The following TRIM55 variants were observed in gnomAD, a reference collection of about 807,000 sequenced individuals.
The protein encoded by TRIM55 is tripartite motif containing 55.
TRIM55 carries 50 observed loss-of-function variants against 60.9 expected under a neutral mutation model. The ratio of observed to expected loss-of-function variants is 0.82; its 90% CI spans 0.65 to 1.04. The LOEUF is 1.04. Among genes scored for constraint, TRIM55 ranks in the 50% least tolerant of loss-of-function variants. TRIM55 has a pLI of 0.00. For missense variants in TRIM55, 681 were observed against 666.9 expected (o/e 1.02, Z -0.23); for synonymous variants, 237 against 238.1 (o/e 1.00, Z 0.04).
chr8:66,123,890 T>C (rs370631640), upstream of TRIM55, among the ~76,000 whole-genome samples: 16 of 152,114 alleles, frequency 1.1e-4, no homozygotes, highest in African/African-American at 3.9e-4. Context: ...AGGTTTTTGT[T>C]TTTTTCTACA....
At chr8:66,174,417 A>G (rs1811808418) in intron 9 of TRIM55, 54 bp from the exon 10 acceptor site, 21 of 1,582,236 alleles carry the variant, frequency 1.3e-5, no homozygotes, top group Non-Finnish European at 1.8e-5. Flanking sequence ...GACTGGACCA[A>G]TCCAAAAAGA....
intron 9 of TRIM55, 80 bp downstream of exon 9, chr8:66,154,414 AG>A (rs1810627120): frequency 1.4e-6 from 2 of 1,475,620 alleles, no homozygotes; most frequent in South Asian, 1.3e-5. Context: ...AAGAAGAAAA[AG>A]GGTTTTCAAA....
intron 2 of TRIM55, among the ~76,000 whole-genome samples, chr8:66,131,382 T>C (rs1186536850): frequency 6.6e-6 from 1 of 152,228 alleles, no homozygotes; most frequent in African/African-American, 2.4e-5. Flanking sequence ...TTAGCTGTTT[T>C]TCTGCTATTT....
intron 9 of TRIM55, chr8:66,155,690 G>GC: frequency 1.9e-6 from 3 of 1,611,710 alleles, no homozygotes; most frequent in Non-Finnish European, 2.5e-6. Context: ...CAGATTCAGT[G>GC]CTTGATTTTT....
intron 7 of TRIM55, 145 bp from the exon 8 acceptor site, chr8:66,152,232 C>A (rs1016399167): frequency 8.0e-6 from 9 of 1,124,030 alleles, no homozygotes; most frequent in Non-Finnish European, 1.1e-5. Flanking sequence ...AGCCCTGGCA[C>A]GGCACACTTG....
chr8:66,150,593 A>G (rs1357836224), intron 7 of TRIM55, 127 bp downstream of exon 7: 4 of 1,077,194 alleles, frequency 3.7e-6, no homozygotes, highest in Admixed American at 2.3e-5. Context: ...TACAAGGATC[A>G]TATCCAATGT....
intron 9 of TRIM55, among the ~76,000 whole-genome samples, chr8:66,171,243 C>T (rs1280065637): frequency 6.9e-6 from 1 of 144,436 alleles, no homozygotes; most frequent in African/African-American, 2.5e-5. Context: ...CTCCCACCCT[C>T]CACCCTCCAC....
Position 66,127,395 on chromosome 8 carries a change from C to T in TRIM55, c.127C>T (p.Gln43Ter), listed in dbSNP as rs1292586364. The stretch of plus-strand genomic sequence containing the variant: ...GAAACCTGTGGTGATTCTCCCTTGT[C>T]AGCACAACCTGTGTAGGAAATGTGC... ...FTKPVVILPC[Q>*]HNLCRKCASD... The change falls in exon 1 of 10, where the codon CAG becomes TAG. Residue 43 changes from glutamine (Q) to a stop codon, truncating the protein, a stop_gained. Transcript: ENST00000315962. LOFTEE classifies it high-confidence loss of function. 5.0e-6 allele frequency: 8 copies of T among 1,614,106 alleles called. No individual in the cohort carries two copies. Among genetic ancestry groups the T allele is most frequent in the East Asian group, 4.5e-5 (2 of 44,882 alleles).
chr8:66,137,543 G>A (rs1232476720), intron 4 of TRIM55, among the ~76,000 whole-genome samples: 1 of 152,186 alleles, frequency 6.6e-6, no homozygotes, highest in Non-Finnish European at 1.5e-5. Flanking sequence ...CTTAGGAAAT[G>A]CTCATCGGTG....
intron 2 of TRIM55, among the ~76,000 whole-genome samples, chr8:66,133,423 C>T (rs545729266): frequency 6.6e-6 from 1 of 151,482 alleles, no homozygotes; most frequent in East Asian, 1.9e-4. Context: ...CTCATCATGG[C>T]CCCTGCCCTT....
intron 2 of TRIM55, among the ~76,000 whole-genome samples, chr8:66,130,455 A>C (rs1352284855): frequency 3.3e-5 from 5 of 151,960 alleles, no homozygotes; most frequent in Non-Finnish European, 7.4e-5. Flanking sequence ...GGGGGCAGAC[A>C]GCCTTACTAG....
Position 66,128,370 on chromosome 8 carries a change from C to G in TRIM55, c.235C>G (p.Pro79Ala), listed in dbSNP as rs769797275. The G allele has an allele frequency of 2.5e-6, 4 of 1,613,614 alleles. No homozygotes were observed. The East Asian group carries it at 6.7e-5, about 27-fold the overall frequency. The change falls in exon 2 of 10, where the codon CCA becomes GCA. Residue 79 changes from proline to alanine, a missense_variant. By Grantham distance (27) the Pro-to-Ala change is conservative. Coordinates refer to ENST00000315962, the MANE Select transcript of TRIM55 (RefSeq NM_184085.2). The stretch of plus-strand genomic sequence containing the variant: ...GGCATCAGGGGGCCGATTCCGCTGC[C>G]CATCCTGTAGACATGAAGTGGTTTT... ...TMASGGRFRC[P>A]SCRHEVVLDR...
At chr8:66,173,209 TCTA>T (rs1811740693) in intron 9 of TRIM55, among the ~76,000 whole-genome samples, 1 of 152,226 alleles carries the variant, frequency 6.6e-6, no homozygotes, top group African/African-American at 2.4e-5. Flanking sequence ...TCAGTTTTAT[TCTA>T]CTGTGGCTAA....
intron 9 of TRIM55, among the ~76,000 whole-genome samples, chr8:66,164,514 C>A (rs1811215527): frequency 6.6e-6 from 1 of 152,242 alleles, no homozygotes; most frequent in Non-Finnish European, 1.5e-5. Flanking sequence ...TGACTTCCAG[C>A]ACTGGCTTGT....
At chr8:66,114,112 A>G in the TRIM55 span, among the ~76,000 whole-genome samples, 1 of 123,520 alleles carries the variant, frequency 8.1e-6, no homozygotes, top group East Asian at 3.0e-4. Flanking sequence ...GTTGCTTTGA[A>G]CCAAAAAAGT....
chr8:66,124,721 A>G (rs1030503868), upstream of TRIM55, among the ~76,000 whole-genome samples: 1 of 152,252 alleles, frequency 6.6e-6, no homozygotes, highest in Non-Finnish European at 1.5e-5. Context: ...CCTAAATAAG[A>G]TAGCTACAAA....
At chr8:66,131,220 T>G (rs1337598634) in intron 2 of TRIM55, among the ~76,000 whole-genome samples, 1 of 152,198 alleles carries the variant, frequency 6.6e-6, no homozygotes, top group African/African-American at 2.4e-5. Flanking sequence ...ACTGCTACCC[T>G]ATTAAAGCTT....
intron 9 of TRIM55, among the ~76,000 whole-genome samples, chr8:66,162,708 AT>A (rs1811120637): frequency 6.6e-6 from 1 of 151,764 alleles, no homozygotes; most frequent in Non-Finnish European, 1.5e-5. Context: ...CTTGTTATTC[AT>A]TTCTTAGAAT....
In TRIM55 at chr8:66,135,160, C is replaced by A. The variant is rs1408024288; in HGVS notation, c.507+5C>A. The A allele has an allele frequency of 1.9e-6, 3 of 1,613,908 alleles. No individual in the cohort carries two copies. The highest frequency in any genetic ancestry group is 2.7e-5 in the African/African-American group (2 of 74,916). The stretch of plus-strand genomic sequence containing the variant: ...CATGTGTTCCAGAGACAGAAGGTAA[C>A]AGAGCTGCTCCCTCCCTCCCGCAAC... On this transcript the variant is annotated splice_donor_5th_base_variant and intron_variant, in intron 3 of 9. Coordinates refer to ENST00000315962, the MANE Select transcript of TRIM55 (RefSeq NM_184085.2).
Sources: gnomAD v4.1 joint callset for allele counts (sites outside exome capture counted in the v4.1 genomes callset) on GRCh38, gnomAD v4.1.1 for gene constraint, MANE v1.5 for transcripts, NCBI Gene and HGNC (gene_info 2026-07-23, HGNC 2026-07-21) for gene names.